DGKK: variants seen among roughly 807,000 people sequenced by gnomAD.
DGKK encodes the protein 142 kDa diacylglycerol kinase.
Under a neutral mutation model 92.2 loss-of-function variants are expected in DGKK, and 35 were observed. The observed-to-expected ratio is 0.38, with a 90% CI of 0.29 to 0.50. The LOEUF is 0.50. Ranked by LOEUF, DGKK falls within the 20% of genes least tolerant of loss-of-function variation. The pLI, the probability that DGKK is intolerant of heterozygous loss-of-function variation, is 0.92. For missense variants in DGKK, 910 were observed against 992.2 expected, an observed-to-expected ratio of 0.92 and a Z score of 1.11; for synonymous variants, 368 against 360.6, an observed-to-expected ratio of 1.02 and a Z score of -0.23.
In DGKK at chrX:50,379,968, C is replaced by T. The variant is rs782022799; in HGVS notation, c.2754+13G>A. ...CTCCATACCCAGGAAAGACTACCCG[C>T]TTTTCCACTAACCTCCAAATGCACT... is the stretch of plus-strand genomic sequence containing the variant. On this transcript the variant is annotated intron_variant, in intron 19 of 27. Transcript: ENST00000611977. 3 of 1,203,151 alleles carry T rather than the reference C, an allele frequency of 2.5e-6. No homozygotes were observed. Among genetic ancestry groups the T allele is most frequent in the African/African-American group, 3.5e-5 (2 of 57,140 alleles).
chrX:50,424,108 G>T (rs1426114360), intron 2 of DGKK, 140 bp downstream of exon 2: 3 of 435,772 alleles, frequency 6.9e-6, no homozygotes, highest in Admixed American at 9.0e-5. Context: ...GACCCAAAAG[G>T]GCAAGTTAAA....
At chrX:50,400,191 T>C (rs1372204531) in intron 8 of DGKK, among the ~76,000 whole-genome samples, 1 of 111,934 alleles carries the variant, frequency 8.9e-6, no homozygotes, top group Non-Finnish European at 1.9e-5. Context: ...GCTCTTGTTT[T>C]TTTTCCTTAC....
intron 12 of DGKK, among the ~76,000 whole-genome samples, chrX:50,390,076 A>G (rs1924647262): frequency 8.9e-6 from 1 of 112,434 alleles, no homozygotes; most frequent in Non-Finnish European, 1.9e-5. Flanking sequence ...ATATAAGAAC[A>G]TCTCCTAGAA....
chrX:50,420,324 T>G, intron 4 of DGKK, 79 bp downstream of exon 4: 1 of 892,424 alleles, frequency 1.1e-6, no homozygotes, highest in Non-Finnish European at 1.6e-6. Context: ...ATTATTTCCC[T>G]GCTCTAAAGG....
chrX:50,445,540 C>CT (rs1330756364), intron 1 of DGKK, among the ~76,000 whole-genome samples: 1 of 111,285 alleles, frequency 9.0e-6, no homozygotes, highest in Non-Finnish European at 1.9e-5. Flanking sequence ...AATAGGAAGT[C>CT]TTTTCCCTAT....
intron 1 of DGKK, among the ~76,000 whole-genome samples, chrX:50,453,170 T>G (rs982777923): frequency 1.8e-5 from 2 of 111,337 alleles, no homozygotes; most frequent in Admixed American, 1.9e-4. Flanking sequence ...GGAACCTAGA[T>G]CATTTCTAGG....
intron 1 of DGKK, among the ~76,000 whole-genome samples, chrX:50,454,895 T>C (rs1276906853): frequency 8.9e-6 from 1 of 112,062 alleles, no homozygotes; most frequent in African/African-American, 3.2e-5. Flanking sequence ...CCATCCTTTA[T>C]TTGTCCTCTT....
chrX:50,399,466 T>C (rs1180682362), intron 8 of DGKK, among the ~76,000 whole-genome samples: 1 of 112,280 alleles, frequency 8.9e-6, no homozygotes, highest in Non-Finnish European at 1.9e-5. Flanking sequence ...GTGGGGATAA[T>C]TTTTAAGTCA....
Position 50,365,667 on chromosome X carries a change from G to C in DGKK, c.*3273C>G, listed in dbSNP as rs1372012969. 3.6e-5 allele frequency: 4 copies of C among 111,327 alleles called. No homozygotes were observed. Among genetic ancestry groups the C allele is most frequent in the African/African-American group, 1.3e-4 (4 of 30,550 alleles). 9.2% of individuals were successfully genotyped at this position (111,327 alleles called of 1,213,427 possible). On this transcript the variant is annotated 3_prime_UTR_variant, in exon 28 of 28. Coordinates refer to ENST00000611977, the MANE Select transcript of DGKK (RefSeq NM_001013742.4). ...TGGGTTACAGATTCACTGACAAATAGACAAATGCAATTCCACAAATCATAT... is the reference window on the plus strand; with the variant it reads ...TGGGTTACAGATTCACTGACAAATACACAAATGCAATTCCACAAATCATAT...
At chrX:50,387,180 T>A (rs934313292) in intron 14 of DGKK, among the ~76,000 whole-genome samples, 6 of 112,100 alleles carry the variant, frequency 5.4e-5, no homozygotes, top group African/African-American at 1.9e-4. Context: ...ACAGAGTAAG[T>A]GCTATATAAA....
At chrX:50,370,978 C>T (rs1466219607) in intron 26 of DGKK, among the ~76,000 whole-genome samples, 4 of 112,463 alleles carry the variant, frequency 3.6e-5, no homozygotes, top group Non-Finnish European at 7.5e-5. Context: ...TTCCTTCAGA[C>T]ATATAGTTTG....
chrX:50,452,041 G>A (rs1417096109), intron 1 of DGKK, among the ~76,000 whole-genome samples: 1 of 111,958 alleles, frequency 8.9e-6, no homozygotes, highest in African/African-American at 3.2e-5. Context: ...TAGGCACAAG[G>A]CACTGAACTA....
chrX:50,447,872 AT>A (rs1286069887), intron 1 of DGKK, among the ~76,000 whole-genome samples: 2 of 109,939 alleles, frequency 1.8e-5, no homozygotes, highest in African/African-American at 6.6e-5. Context: ...CTTTTCAATT[AT>A]TTTTTTTAAA....
chrX:50,393,073 A>G, intron 9 of DGKK, 79 bp downstream of exon 9: 2 of 854,515 alleles, frequency 2.3e-6, no homozygotes, highest in African/African-American at 2.0e-5. Context: ...ACTGATTCCA[A>G]GAAGCCTGTT....
intron 1 of DGKK, among the ~76,000 whole-genome samples, chrX:50,437,928 TCTGGGAAGAGGCAGTAGTGGCTA>T (rs1276647578): frequency 9.0e-6 from 1 of 110,989 alleles, no homozygotes; most frequent in Non-Finnish European, 1.9e-5. Context: ...GTTTAAAATT[TCTGGGAAGAGGCAGTAGTGGCTA>T]CTGGGAAGAG....
chrX:50,373,040 G>A, intron 25 of DGKK, among the ~76,000 whole-genome samples: 1 of 112,174 alleles, frequency 8.9e-6, no homozygotes, highest in East Asian at 2.8e-4. Context: ...TACTGAGGGA[G>A]GAGCAAGTCA....
chrX:50,396,620 G>A (rs1321434437), intron 8 of DGKK, among the ~76,000 whole-genome samples: 1 of 111,049 alleles, frequency 9.0e-6, no homozygotes, highest in African/African-American at 3.3e-5. Flanking sequence ...TCTGTGGATG[G>A]GAAGACAGTG....
intron 1 of DGKK, among the ~76,000 whole-genome samples, chrX:50,435,781 CAGAG>C (rs1362629592): frequency 9.3e-6 from 1 of 107,858 alleles, no homozygotes; most frequent in African/African-American, 3.4e-5. Context: ...GAGAGAGACT[CAGAG>C]AGAGAGAGAG....
chrX:50,384,214 G>T lies in DGKK; in HGVS notation c.2503C>A (p.Leu835Met). The change falls in exon 17 of 28, where the codon CTG becomes ATG. Residue 835 changes from leucine (L) to methionine (M), a missense_variant. Coordinates refer to ENST00000611977, the MANE Select transcript of DGKK (RefSeq NM_001013742.4). ...AAGTGATCCAAGTTAAGGTTGTCCA[G>T]GTCCTCACTTTTGAGAGAAGATATA... The part of the protein sequence containing the change: ...SSISSLKSED[L>M]DNLNLDHLHF... 1 of 1,184,462 alleles carries T rather than the reference G, an allele frequency of 8.4e-7. No homozygotes were observed. Among genetic ancestry groups the T allele is most frequent in the South Asian group, 1.9e-5 (1 of 53,510 alleles).
Sources: allele counts gnomAD v4.1 joint callset (sites outside exome capture counted in the v4.1 genomes callset), GRCh38; gene constraint gnomAD v4.1.1; transcripts MANE v1.5; gene names NCBI Gene and HGNC (gene_info 2026-07-23, HGNC 2026-07-21).